The following KASH5 variants were observed in gnomAD, a reference collection of about 807,000 sequenced individuals.
KASH5 encodes the protein KASH domain containing 5.
KASH5 carries 72 observed loss-of-function variants against 84.2 expected under a neutral mutation model. The ratio of observed to expected loss-of-function variants is 0.85; its 90% CI spans 0.71 to 1.04. KASH5 has a LOEUF of 1.04. Among genes scored for constraint, KASH5 ranks in the 50% least tolerant of loss-of-function variants. The pLI is 0.00. For missense variants in KASH5, 650 were observed against 701.0 expected (o/e 0.93, Z 0.82); for synonymous variants, 260 against 279.1 (o/e 0.93, Z 0.68).
chr19:49,397,234 G>A (rs1372583014), intron 5 of KASH5, among the ~76,000 whole-genome samples: 1 of 152,096 alleles, frequency 6.6e-6, no homozygotes, highest in African/African-American at 2.4e-5. Context: ...GGATCCAAGA[G>A]GAGAAAGCAA....
chr19:49,403,449 C>T (rs1974430638), intron 9 of KASH5, among the ~76,000 whole-genome samples: 1 of 152,194 alleles, frequency 6.6e-6, no homozygotes, highest in South Asian at 2.1e-4. Flanking sequence ...CTCACCCCAC[C>T]CCCAGCAGCT....
intron 5 of KASH5, among the ~76,000 whole-genome samples, chr19:49,396,446 G>C (rs921192957): frequency 6.6e-6 from 1 of 151,948 alleles, no homozygotes; most frequent in African/African-American, 2.4e-5. Flanking sequence ...TAGAGACGAG[G>C]TTTCTCCATG....
At position 49,399,639 on chromosome 19, in the gene KASH5, G is replaced by A. The variant is rs1018677532; in HGVS notation, c.798+132G>A. ...CTCAGAATGTCAGTAGTGTGGGAATGTCCCTGAGGTTATATCACACTGTGA... is the reference window on the plus strand; with the variant it reads ...CTCAGAATGTCAGTAGTGTGGGAATATCCCTGAGGTTATATCACACTGTGA... On this transcript the variant is annotated intron_variant, in intron 9 of 19. Coordinates refer to ENST00000447857, the MANE Select transcript of KASH5 (RefSeq NM_144688.5). The surrounding 1 kb of genome is among the most constrained non-coding windows in gnomAD (Gnocchi z 4.4). 1.7e-5 allele frequency: 26 copies of A among 1,526,684 alleles called. No homozygotes were observed. In the African/African-American group the frequency reaches 3.3e-4, roughly 19 times the overall value. 94.6% of individuals were successfully genotyped at this position (1,526,684 alleles called of 1,614,324 possible).
Position 49,409,962 on chromosome 19 carries a change from C to A in KASH5, c.1269+87C>A. Reference sequence around the variant, plus strand: ...GCCCTGGCCAGCCCATTCACTCACACTTTTGCTTGTTCCCCATTTGATGAG... The same window carrying A: ...GCCCTGGCCAGCCCATTCACTCACAATTTTGCTTGTTCCCCATTTGATGAG... On this transcript the variant is annotated intron_variant, in intron 15 of 19. Transcript: ENST00000447857. The A allele has an allele frequency of 2.6e-6, 4 of 1,514,696 alleles. No homozygotes were observed. The South Asian group carries it at 3.6e-5, about 14-fold the overall frequency. The allele number at this position is 1,514,696 out of a possible 1,614,324, so 93.8% of individuals were successfully genotyped here.
At chr19:49,409,165 C>A (rs1974630064) in intron 13 of KASH5, 31 bp from the exon 14 acceptor site, 18 of 1,608,802 alleles carry the variant, frequency 1.1e-5, no homozygotes, top group Non-Finnish European at 1.5e-5. Context: ...GGCACAGAGG[C>A]CATCTTCCTC....
At chr19:49,396,345 C>G (rs138570224) in intron 5 of KASH5, among the ~76,000 whole-genome samples, 1,918 of 151,526 alleles carry the variant, frequency 0.013, 38 homozygotes, top group African/African-American at 0.043. Flanking sequence ...ACCCCCGCCT[C>G]CTGGGTTCAA....
chr19:49,393,465 TACCCC>T (rs1974068230), intron 2 of KASH5: 2 of 152,284 alleles, frequency 1.3e-5, no homozygotes, highest in Non-Finnish European at 2.9e-5. Context: ...CCCCTGGATC[TACCCC>T]GTCCTGCAGC....
At chr19:49,406,292 A>C (rs1974524139) in intron 9 of KASH5, among the ~76,000 whole-genome samples, 1 of 148,108 alleles carries the variant, frequency 6.8e-6, no homozygotes, top group African/African-American at 2.4e-5. Context: ...CAACACATGC[A>C]AAATGCTCAG....
At position 49,395,992 on chromosome 19, in the gene KASH5, C is replaced by T. The variant is rs1347800578; in HGVS notation, c.400+159C>T. 6.6e-6 allele frequency among the ~76,000 whole-genome samples: 1 copy of T among 152,166 alleles called. No individual in the cohort carries two copies. Among genetic ancestry groups the T allele is most frequent in the Non-Finnish European group, 1.5e-5 (1 of 68,036 alleles). On this transcript the variant is annotated intron_variant, in intron 5 of 19. Transcript: ENST00000447857. This position sits in a 1 kb window ranked among gnomAD's most constrained non-coding sequence, Gnocchi z 4.4. ...TTTCTAGGTCCTCCGTCCCTTCCTTCCGTGAGCTTTGGGTTTCTTTTCTTC... is the reference window on the plus strand; with the variant it reads ...TTTCTAGGTCCTCCGTCCCTTCCTTTCGTGAGCTTTGGGTTTCTTTTCTTC...
chr19:49,408,153 A>C, intron 12 of KASH5: 1 of 182,574 alleles, frequency 5.5e-6, no homozygotes, highest in Non-Finnish European at 1.2e-5. Flanking sequence ...TGACCTCGTA[A>C]TCCACCCCTC....
intron 1 of KASH5, chr19:49,390,416 G>GCT: frequency 6.1e-6 from 1 of 162,776 alleles, no homozygotes; most frequent in South Asian, 1.7e-4. Flanking sequence ...AGCCATGGAA[G>GCT]GGTACTTAGC....
chr19:49,388,972 A>C (rs1310956792), intron 1 of KASH5, among the ~76,000 whole-genome samples: 1 of 151,898 alleles, frequency 6.6e-6, no homozygotes, highest in East Asian at 1.9e-4. Context: ...AAGTCCATCA[A>C]AGACACCCCA....
chr19:49,402,626 G>C (rs1974397530), intron 9 of KASH5, among the ~76,000 whole-genome samples: 1 of 152,108 alleles, frequency 6.6e-6, no homozygotes, highest in African/African-American at 2.4e-5. Flanking sequence ...AGAATCACTT[G>C]AACCCAGGAG....
At position 49,395,621 on chromosome 19, in the gene KASH5, C is replaced by T. The variant is rs1025598846; in HGVS notation, c.336-148C>T. On this transcript the variant is annotated intron_variant, in intron 4 of 19. Transcript: ENST00000447857. The surrounding 1 kb of genome is among the most constrained non-coding windows in gnomAD (Gnocchi z 4.4). ...CTGCTTTTCCATCTGGCCACGGGCA[C>T]TTGCCATCTGGCCTCACCCTCCTAC... 1 of 774,434 alleles carries T rather than the reference C, an allele frequency of 1.3e-6. No individual in the cohort carries two copies. The highest frequency in any genetic ancestry group is 2.1e-6 in the Non-Finnish European group (1 of 475,576). The allele number at this position is 774,434 out of a possible 1,614,324, so 48.0% of individuals were successfully genotyped here.
In KASH5 at chr19:49,417,633, C is replaced by T. The variant is rs1974955895; in HGVS notation, c.*123C>T. On this transcript the variant is annotated 3_prime_UTR_variant, in exon 20 of 20. Transcript: ENST00000447857. This position sits in a 1 kb window ranked among gnomAD's most constrained non-coding sequence, Gnocchi z 5.2. Reference sequence around the variant, plus strand: ...TTACCCTAGATAGAGTACAGGGGATCCACATCCCTGTATTTTTATGTGAAG... The same window carrying T: ...TTACCCTAGATAGAGTACAGGGGATTCACATCCCTGTATTTTTATGTGAAG... The T allele has an allele frequency of 8.4e-7, 1 of 1,186,122 alleles. No homozygotes were observed. Among genetic ancestry groups the T allele is most frequent in the African/African-American group, 1.5e-5 (1 of 64,916 alleles). 73.5% of individuals were successfully genotyped at this position (1,186,122 alleles called of 1,614,324 possible).
At chr19:49,406,748 G>C in intron 9 of KASH5, 138 bp from the exon 10 acceptor site, 5 of 732,356 alleles carry the variant, frequency 6.8e-6, no homozygotes, top group Non-Finnish European at 1.2e-5. Context: ...ATGGTTGGAG[G>C]AATTAAATGG....
At chr19:49,394,032 C>T (rs1357306222) in intron 2 of KASH5, among the ~76,000 whole-genome samples, 1 of 152,166 alleles carries the variant, frequency 6.6e-6, no homozygotes, top group Non-Finnish European at 1.5e-5. Context: ...ACCGGAGATG[C>T]AGCAGGCGGG....
intron 7 of KASH5, among the ~76,000 whole-genome samples, chr19:49,398,563 C>A (rs1159021347): frequency 3.3e-5 from 5 of 152,076 alleles, no homozygotes; most frequent in East Asian, 1.9e-4. Flanking sequence ...GAAATGAGTT[C>A]TCACTGTGTT....
At chr19:49,398,757 C>T (rs1045177306) in intron 7 of KASH5, among the ~76,000 whole-genome samples, 2 of 152,110 alleles carry the variant, frequency 1.3e-5, no homozygotes, top group South Asian at 2.1e-4. Flanking sequence ...TCATGTTTAT[C>T]GTGGTCTCCC....
Sources: allele counts gnomAD v4.1 joint callset (sites outside exome capture counted in the v4.1 genomes callset), GRCh38; gene constraint gnomAD v4.1.1; non-coding constraint Gnocchi (gnomAD v3.1); transcripts MANE v1.5; gene names NCBI Gene and HGNC (gene_info 2026-07-23, HGNC 2026-07-21).